Variants in ZC3H3 observed in about 807,000 individuals in gnomAD.
The protein encoded by ZC3H3 is zinc finger CCCH domain-containing protein 3.
Under a neutral mutation model 77.3 loss-of-function variants are expected in ZC3H3, and 36 were observed. That is an observed-to-expected ratio of 0.47 (90% confidence interval 0.36 to 0.61). ZC3H3 has a LOEUF of 0.61. Ranked by LOEUF, ZC3H3 falls within the 20% of genes least tolerant of loss-of-function variation. ZC3H3 has a pLI of 0.00. For synonymous variants in ZC3H3, 626 were observed against 555.2 expected (o/e 1.13, Z -1.79); for missense variants, 1,331 against 1,312.2 (o/e 1.01, Z -0.22).
At chr8:143,508,858 GC>G (rs1470002801) in intron 3 of ZC3H3, among the ~76,000 whole-genome samples, 1 of 152,078 alleles carries the variant, frequency 6.6e-6, no homozygotes, top group Non-Finnish European at 1.5e-5. Context: ...CACCCTCTTG[GC>G]CCCCACAGCC....
chr8:143,519,614 G>T (rs1822175493), intron 3 of ZC3H3, among the ~76,000 whole-genome samples: 1 of 152,198 alleles, frequency 6.6e-6, no homozygotes, highest in Non-Finnish European at 1.5e-5. Flanking sequence ...TGGCACCCGT[G>T]GGAAGGACAG....
At position 143,539,129 on chromosome 8, in the gene ZC3H3, G is replaced by T. The variant is rs1822923316; in HGVS notation, c.238C>A (p.Pro80Thr). Residue 80 changes from proline to threonine, a missense_variant, in exon 2 of 12, where the codon CCC (proline) becomes ACC (threonine). By Grantham distance (38) the Pro-to-Thr change is conservative (BLOSUM62 -1). Transcript: ENST00000262577. Reference sequence around the variant, plus strand: ...GCAGGAGGGTCTGAGGGTCCCGGGGGCCGATTCACGAGGGAGTATTTCTTG... The same window carrying T: ...GCAGGAGGGTCTGAGGGTCCCGGGGTCCGATTCACGAGGGAGTATTTCTTG... ...WRKKYSLVNRPPGPSDPPADH... is the reference protein window; with the variant it reads ...WRKKYSLVNRTPGPSDPPADH... 1 of 1,612,882 alleles carries T rather than the reference G, an allele frequency of 6.2e-7. No individual in the cohort carries two copies. The highest frequency in any genetic ancestry group is 1.7e-5 in the Admixed American group (1 of 60,010).
At position 143,538,224 on chromosome 8, in the gene ZC3H3, G is replaced by A. The variant is rs748292560; in HGVS notation, c.1143C>T (p.Ala381=). ...AAGAGGAGGAGGCAGAGGGGCTGGAGGCCTTCCACTTGTACTTGCTGGGGG... is the reference window on the plus strand; with the variant it reads ...AAGAGGAGGAGGCAGAGGGGCTGGAAGCCTTCCACTTGTACTTGCTGGGGG... ...GSAPSKYKWK[A]SSPSASSSSS... is the part of the protein sequence containing the mutation. The change falls in exon 2 of 12, where the codon GCC becomes GCT. Residue 381 remains alanine (A), a synonymous_variant. Transcript: ENST00000262577. 6 of 1,613,028 alleles carry A rather than the reference G, an allele frequency of 3.7e-6. No homozygotes were observed. The highest frequency in any genetic ancestry group is 1.1e-5 in the South Asian group (1 of 91,084).
At chr8:143,515,688 C>G (rs1357510323) in intron 3 of ZC3H3, among the ~76,000 whole-genome samples, 1 of 152,218 alleles carries the variant, frequency 6.6e-6, no homozygotes, top group Non-Finnish European at 1.5e-5. Context: ...GAGGGCACCT[C>G]GGCCCCTCAG....
At chr8:143,497,428 G>A (rs936909598) in intron 4 of ZC3H3, among the ~76,000 whole-genome samples, 1 of 152,308 alleles carries the variant, frequency 6.6e-6, no homozygotes, top group Middle Eastern at 3.4e-3. Flanking sequence ...CCCCGAAGGT[G>A]CAGCCATAAA....
At position 143,465,964 on chromosome 8, in the gene ZC3H3, G is replaced by A. The variant is rs1455043602; in HGVS notation, c.2176-116C>T. The A allele has an allele frequency of 5.0e-6, 7 of 1,406,704 alleles. No homozygotes were observed. In the East Asian group the frequency reaches 1.3e-4, roughly 25 times the overall value. The allele number at this position is 1,406,704 out of a possible 1,614,324, so 87.1% of individuals were successfully genotyped here. A position where few individuals can be genotyped will look rare whatever the true frequency, so the allele number is the denominator to read the frequency against. On this transcript the variant is annotated intron_variant, in intron 8 of 11. Transcript: ENST00000262577. ...AGAGAGAAATGGACACGCGGCACCA[G>A]CAGGCAGGAAGGGCAGCCACCACGA...
intron 4 of ZC3H3, among the ~76,000 whole-genome samples, chr8:143,491,779 C>G (rs750813614): frequency 3.3e-5 from 5 of 152,174 alleles, no homozygotes; most frequent in Non-Finnish European, 5.9e-5. Context: ...GCTGTGGGGC[C>G]GGGTGCAGGG....
intron 9 of ZC3H3, among the ~76,000 whole-genome samples, chr8:143,442,675 C>G (rs928626704): frequency 2.0e-5 from 3 of 152,220 alleles, no homozygotes; most frequent in African/African-American, 7.2e-5. Flanking sequence ...CAGAGGGCAC[C>G]TGCCACACAG....
At chr8:143,472,154 G>A (rs1289048828) in intron 5 of ZC3H3, among the ~76,000 whole-genome samples, 1 of 152,256 alleles carries the variant, frequency 6.6e-6, no homozygotes, top group Non-Finnish European at 1.5e-5. Flanking sequence ...GCCTCTGTGC[G>A]CCAGACCCTC....
rs926713327 is a variant in ZC3H3 at position 143,533,532 on chromosome 8, T to C, written c.1561+2725A>G. On this transcript the variant is annotated intron_variant, in intron 3 of 11. Coordinates refer to ENST00000262577, the MANE Select transcript of ZC3H3 (RefSeq NM_015117.3). This position sits in a 1 kb window ranked among gnomAD's most constrained non-coding sequence, Gnocchi z 4.0. Reference sequence around the variant, plus strand: ...AGCCTCATCATCTCTTCACCTTCACTGCAGTATCCCCAGGAGCCGGCAGGC... The same window carrying C: ...AGCCTCATCATCTCTTCACCTTCACCGCAGTATCCCCAGGAGCCGGCAGGC... Among the ~76,000 whole-genome samples, 4 of 152,136 alleles carry C rather than the reference T, an allele frequency of 2.6e-5. No homozygotes were observed. Among genetic ancestry groups the C allele is most frequent in the East Asian group, 1.9e-4 (1 of 5,184 alleles).
chr8:143,536,373 A>C lies in ZC3H3; in HGVS notation c.1445T>G (p.Leu482Arg), dbSNP rs1822798365. The C allele has an allele frequency of 6.3e-7, 1 of 1,595,500 alleles. No homozygotes were observed. The highest frequency in any genetic ancestry group is 8.5e-7 in the Non-Finnish European group (1 of 1,170,868). The change falls in exon 3 of 12, where the codon CTC becomes CGC. Residue 482 changes from leucine (L) to arginine (R), a missense_variant. Physicochemically the swap from Leu to Arg is moderately radical, Grantham distance 102 (BLOSUM62 -2). Transcript: ENST00000262577. Reference sequence around the variant, plus strand: ...CAGGACAGGGCTGCTCTTCCCCCTGAGGGCCTGTCTCCGCCGGAGGCTGAG... The same window carrying C: ...CAGGACAGGGCTGCTCTTCCCCCTGCGGGCCTGTCTCCGCCGGAGGCTGAG... ...SHLSLRRRQA[L>R]RGKSSPVLKK...
intron 2 of ZC3H3, 27 bp downstream of exon 2, chr8:143,537,976 T>G: frequency 6.4e-7 from 1 of 1,570,878 alleles, no homozygotes; most frequent in South Asian, 1.2e-5. Flanking sequence ...CCCCTCACAC[T>G]CTACCGCAGC....
chr8:143,500,572 G>A (rs1253202449), intron 4 of ZC3H3, among the ~76,000 whole-genome samples: 3 of 152,222 alleles, frequency 2.0e-5, no homozygotes, highest in Non-Finnish European at 2.9e-5. Flanking sequence ...CAGAAAACAA[G>A]TGTCTTTGGC....
At chr8:143,536,543 C>A in intron 2 of ZC3H3, 90 bp from the exon 3 acceptor site, 5 of 1,333,514 alleles carry the variant, frequency 3.7e-6, no homozygotes, top group Non-Finnish European at 9.9e-7. Context: ...AGCGTGGGAG[C>A]AGCTCCTGAA....
chr8:143,486,854 C>G (rs1310681159), intron 4 of ZC3H3, among the ~76,000 whole-genome samples: 2 of 103,332 alleles, frequency 1.9e-5, no homozygotes, highest in Non-Finnish European at 1.9e-5. Flanking sequence ...ACGGCCCCAC[C>G]ACCACGAAGC....
At chr8:143,503,943 T>C (rs1453043955) in intron 4 of ZC3H3, among the ~76,000 whole-genome samples, 1 of 152,182 alleles carries the variant, frequency 6.6e-6, no homozygotes, top group African/African-American at 2.4e-5. Flanking sequence ...GGGCCCAACA[T>C]GACCACCAGG....
intron 3 of ZC3H3, among the ~76,000 whole-genome samples, chr8:143,535,624 C>A (rs1822770759): frequency 6.6e-6 from 1 of 152,244 alleles, no homozygotes; most frequent in Admixed American, 6.5e-5. Context: ...CCCAGTGTGT[C>A]CTGGCAAACA....
At chr8:143,522,794 G>A (rs764593495) in intron 3 of ZC3H3, among the ~76,000 whole-genome samples, 32 of 152,084 alleles carry the variant, frequency 2.1e-4, no homozygotes, top group Non-Finnish European at 3.2e-4. Context: ...GTGTGGTGGC[G>A]CACACCTGTA....
At chr8:143,453,146 T>C (rs1020414818) in intron 9 of ZC3H3, among the ~76,000 whole-genome samples, 4 of 152,346 alleles carry the variant, frequency 2.6e-5, no homozygotes, top group Middle Eastern at 6.8e-3. Context: ...GGTACAATCA[T>C]AGATCACTGC....
Sources: gnomAD v4.1 joint callset for allele counts (sites outside exome capture counted in the v4.1 genomes callset) on GRCh38, gnomAD v4.1.1 for gene constraint, Gnocchi (gnomAD v3.1) non-coding constraint, MANE v1.5 for transcripts, NCBI Gene and HGNC (gene_info 2026-07-23, HGNC 2026-07-21) for gene names.